TRIM24: variants seen among roughly 807,000 people sequenced by gnomAD.
The protein encoded by TRIM24 is tripartite motif containing 24, also known as transcription intermediary factor 1-alpha.
In TRIM24, 29 loss-of-function variants were observed where a neutral mutation model predicts 123.9. That is an observed-to-expected ratio of 0.23 (90% confidence interval 0.17 to 0.32). The LOEUF is 0.32. Ranked by LOEUF, TRIM24 falls within the 10% of genes least tolerant of loss-of-function variation. The probability of loss-of-function intolerance (pLI) is 1.00; values close to 1 mark genes in which losing one functional copy is unlikely to be tolerated. For synonymous variants in TRIM24, 456 were observed against 461.1 expected (o/e 0.99, Z 0.14); for missense variants, 932 against 1,295.3 (o/e 0.72, Z 4.31).
At chr7:138,505,512 T>TTTTG (rs1796133410) in intron 2 of TRIM24, among the ~76,000 whole-genome samples, 1 of 127,578 alleles carries the variant, frequency 7.8e-6, no homozygotes, top group Non-Finnish European at 1.7e-5. Context: ...GGGTGGTGGT[T>TTTTG]GTTGTTGTTG....
At chr7:138,544,495 C>T (rs1299717508) in intron 7 of TRIM24, among the ~76,000 whole-genome samples, 1 of 150,768 alleles carries the variant, frequency 6.6e-6, no homozygotes, top group Admixed American at 6.6e-5. Flanking sequence ...GATATCTCTA[C>T]AAGGTCCTAT....
chr7:138,469,198 G>A (rs913611223), intron 1 of TRIM24, among the ~76,000 whole-genome samples: 1 of 151,968 alleles, frequency 6.6e-6, no homozygotes, highest in African/African-American at 2.4e-5. Context: ...ACCCAAATGT[G>A]GGTAATTTGT....
chr7:138,533,771 A>G (rs902317002), intron 6 of TRIM24, among the ~76,000 whole-genome samples: 1 of 152,116 alleles, frequency 6.6e-6, no homozygotes, highest in Non-Finnish European at 1.5e-5. Flanking sequence ...TATTCGTTGG[A>G]ATAGTTTCAG....
rs1797997624 is a variant in TRIM24, at chr7:138,585,553, A to G, written c.*602A>G. The G allele has an allele frequency of 2.8e-6, 1 of 356,152 alleles. No homozygotes were observed. The highest frequency in any genetic ancestry group is 2.2e-5 in the African/African-American group (1 of 46,026). The allele number at this position is 356,152 out of a possible 1,614,324, so 22.1% of individuals were successfully genotyped here. On this transcript the variant is annotated 3_prime_UTR_variant, in exon 19 of 19. Coordinates refer to ENST00000343526, the MANE Select transcript of TRIM24 (RefSeq NM_015905.3). ...GGCACTTAATAGTACATCATGTAAG[A>G]TGGCAACTGTATTAAAGAAAAATCC... is the stretch of plus-strand genomic sequence containing the variant.
At chr7:138,491,423 A>G (rs1426678548) in intron 1 of TRIM24, 1 of 155,676 alleles carries the variant, frequency 6.4e-6, no homozygotes, top group East Asian at 1.9e-4. Context: ...CCTCATAAAA[A>G]TAGAATTATG....
Position 138,538,810 on chromosome 7 carries a change from T to TA in TRIM24, c.1143+10dup, listed in dbSNP as rs1174214645. 13 of 1,613,244 alleles carry TA rather than the reference T, an allele frequency of 8.1e-6. No homozygotes were observed. The highest frequency in any genetic ancestry group is 1.1e-5 in the Non-Finnish European group (13 of 1,179,546). On this transcript the variant is annotated splice_region_variant and intron_variant, in intron 7 of 18. Coordinates refer to ENST00000343526, the MANE Select transcript of TRIM24 (RefSeq NM_015905.3). ...ACTTTATAGCAAACGACTGGTAAGA[T>TA]AAAGTATGCTATTTAATATACTGTA... is the stretch of plus-strand genomic sequence containing the variant.
chr7:138,535,192 A>G (rs1176267374), intron 6 of TRIM24, among the ~76,000 whole-genome samples: 1 of 152,160 alleles, frequency 6.6e-6, no homozygotes, highest in Non-Finnish European at 1.5e-5. Flanking sequence ...GTGTGTTTTA[A>G]TTGGAGCATT....
intron 2 of TRIM24, chr7:138,514,971 C>T (rs1796366348): frequency 2.8e-6 from 1 of 359,752 alleles, no homozygotes; most frequent in African/African-American, 2.0e-5. Flanking sequence ...TGGGAAATAC[C>T]TAGTTGAAAT....
At chr7:138,547,511 G>A (rs375991925) in intron 7 of TRIM24, among the ~76,000 whole-genome samples, 52 of 152,026 alleles carry the variant, frequency 3.4e-4, no homozygotes, top group Admixed American at 2.0e-3. Context: ...ATTTTTATTG[G>A]TCAATTAAAA....
chr7:138,543,158 T>C (rs1182644533), intron 7 of TRIM24, among the ~76,000 whole-genome samples: 2 of 152,156 alleles, frequency 1.3e-5, no homozygotes, highest in Non-Finnish European at 2.9e-5. Context: ...GATTGTATTA[T>C]GGAGAAAATA....
At chr7:138,532,862 ATTTG>A (rs1389666818) in intron 6 of TRIM24, among the ~76,000 whole-genome samples, 1 of 152,136 alleles carries the variant, frequency 6.6e-6, no homozygotes, top group Non-Finnish European at 1.5e-5. Flanking sequence ...ATGTTCTTCC[ATTTG>A]TTTGTGTCCT....
intron 1 of TRIM24, among the ~76,000 whole-genome samples, chr7:138,495,007 C>T (rs1323756692): frequency 6.6e-6 from 1 of 152,086 alleles, no homozygotes; most frequent in Non-Finnish European, 1.5e-5. Context: ...ATGGAGTGAT[C>T]ACCAGGATGT....
At chr7:138,582,276 C>A (rs189247216) in intron 17 of TRIM24, among the ~76,000 whole-genome samples, 1 of 152,168 alleles carries the variant, frequency 6.6e-6, no homozygotes, top group South Asian at 2.1e-4. Flanking sequence ...GGCGCGGTGG[C>A]TCACGCCTAT....
chr7:138,511,998 A>G (rs1796297574), intron 2 of TRIM24, among the ~76,000 whole-genome samples: 1 of 152,226 alleles, frequency 6.6e-6, no homozygotes, highest in Admixed American at 6.5e-5. Flanking sequence ...AAATACTCCC[A>G]TTCCAAAATG....
chr7:138,514,451 T>A (rs1238252053), intron 2 of TRIM24: 5 of 152,258 alleles, frequency 3.3e-5, no homozygotes, highest in Non-Finnish European at 7.3e-5. Flanking sequence ...TGTCCTAGCT[T>A]CTTTTGCCAG....
At chr7:138,517,762 TAA>T (rs553529761) in intron 3 of TRIM24, among the ~76,000 whole-genome samples, 1 of 149,576 alleles carries the variant, frequency 6.7e-6, no homozygotes, top group East Asian at 1.9e-4. Context: ...TTGTGCATTA[TAA>T]AAAAAAAATG....
chr7:138,536,796 A>G (rs571425827), intron 6 of TRIM24, among the ~76,000 whole-genome samples: 43 of 152,342 alleles, frequency 2.8e-4, no homozygotes, highest in African/African-American at 1.0e-3. Flanking sequence ...TTGTTTGGCT[A>G]TGCCCTGCCC....
intron 2 of TRIM24, among the ~76,000 whole-genome samples, chr7:138,508,676 T>TGTGCGC (rs1554436579): frequency 1.8e-5 from 1 of 55,760 alleles, no homozygotes; most frequent in South Asian, 5.3e-4. Context: ...TGTGTGTGTG[T>TGTGCGC]GTGTGTGTGT....
intron 3 of TRIM24, 84 bp downstream of exon 3, chr7:138,515,443 T>C: frequency 6.8e-7 from 1 of 1,473,638 alleles, no homozygotes. Flanking sequence ...TTTGACACAT[T>C]TGTTTTGATA....
Sources: allele counts gnomAD v4.1 joint callset (sites outside exome capture counted in the v4.1 genomes callset), GRCh38; gene constraint gnomAD v4.1.1; transcripts MANE v1.5; gene names NCBI Gene and HGNC (gene_info 2026-07-23, HGNC 2026-07-21).